Variants in PCDHGA1 observed in about 807,000 individuals in gnomAD.
The protein encoded by PCDHGA1 is protocadherin gamma-A1.
PCDHGA1 carries 32 observed loss-of-function variants against 58.0 expected under a neutral mutation model. That is an observed-to-expected ratio of 0.55 (90% CI 0.42 to 0.74). The LOEUF is 0.74. Ranked by LOEUF, PCDHGA1 falls within the 30% of genes least tolerant of loss-of-function variation. The probability of loss-of-function intolerance (pLI) is 0.00; values close to 1 mark genes in which losing one functional copy is unlikely to be tolerated. For missense variants in PCDHGA1, 1,205 were observed against 1,182.3 expected (o/e 1.02, Z -0.28); for synonymous variants, 498 against 501.1 (o/e 0.99, Z 0.08).
Position 141,485,046 on chromosome 5 carries a change from G to A in PCDHGA1, c.2422-9761G>A. On this transcript the variant is annotated intron_variant, in intron 1 of 3. Transcript: ENST00000517417. This position sits in a 1 kb window ranked among gnomAD's most constrained non-coding sequence, Gnocchi z 5.7. ...AAAAACGGCGCGTAACCCTTGCGGCGCCGGCCGAACCGCGCCAGAGCTGGC... is the reference window on the plus strand; with the variant it reads ...AAAAACGGCGCGTAACCCTTGCGGCACCGGCCGAACCGCGCCAGAGCTGGC... 2 of 750,304 alleles carry A rather than the reference G, an allele frequency of 2.7e-6. No individual in the cohort carries two copies. The highest frequency in any genetic ancestry group is 4.5e-6 in the Non-Finnish European group (2 of 443,046). The allele number at this position is 750,304 out of a possible 1,614,324, so 46.5% of individuals were successfully genotyped here. A position where few individuals can be genotyped will look rare whatever the true frequency, so the allele number is the denominator to read the frequency against.
In PCDHGA1 at chr5:141,430,862, G is replaced by A. The variant is rs1365140768; in HGVS notation, c.2422-63945G>A. ...CGGATGCACCCAGATACGCTATTCA[G>A]TTCCGGAAGAGCTGGAGAAAGGCTC... is the stretch of plus-strand genomic sequence containing the variant. On this transcript the variant is annotated intron_variant, in intron 1 of 3. Transcript: ENST00000517417. 3 of 1,594,672 alleles carry A rather than the reference G, an allele frequency of 1.9e-6. No individual in the cohort carries two copies. The African/African-American group carries it at 4.0e-5, about 21-fold the overall frequency.
chr5:141,344,926 G>C, intron 1 of PCDHGA1: 1 of 1,613,900 alleles, frequency 6.2e-7, no homozygotes, highest in Non-Finnish European at 8.5e-7. Context: ...AACTCAGTGA[G>C]TGGAGAAGTA....
intron 1 of PCDHGA1, among the ~76,000 whole-genome samples, chr5:141,463,725 C>A (rs1259646105): frequency 6.6e-6 from 1 of 152,026 alleles, no homozygotes. Flanking sequence ...GGATTACAGG[C>A]ATGAGCCACC....
intron 1 of PCDHGA1, chr5:141,410,836 ATT>A (rs371761731): frequency 1.6e-5 from 4 of 254,870 alleles, no homozygotes; most frequent in African/African-American, 1.4e-4. Flanking sequence ...GACTGAAGAT[ATT>A]TTGTCTTTGT....
At chr5:141,423,567 C>T (rs771827702) in intron 1 of PCDHGA1, 4 of 1,613,602 alleles carry the variant, frequency 2.5e-6, no homozygotes, top group Admixed American at 1.7e-5. Flanking sequence ...GGGACACGCT[C>T]ATCAGCCAGG....
chr5:141,373,523 C>CA (rs1248195840), intron 1 of PCDHGA1, among the ~76,000 whole-genome samples: 5 of 151,934 alleles, frequency 3.3e-5, no homozygotes, highest in African/African-American at 7.3e-5. Flanking sequence ...ACTTTGTCTC[C>CA]AAAAAAGTGT....
chr5:141,460,981 G>GTA (rs1491204135), intron 1 of PCDHGA1, among the ~76,000 whole-genome samples: 1,658 of 121,856 alleles, frequency 0.014, 27 homozygotes, highest in African/African-American at 0.051. Flanking sequence ...GTGTGTGTGT[G>GTA]TGTATATATA....
At chr5:141,352,188 G>C (rs752131601) in intron 1 of PCDHGA1, 3 of 1,613,754 alleles carry the variant, frequency 1.9e-6, no homozygotes, top group Middle Eastern at 1.6e-4. Context: ...GTCGCTGTGC[G>C]TGATGGAGGA....
At chr5:141,372,259 G>T (rs1229622208) in intron 1 of PCDHGA1, 2 of 1,613,108 alleles carry the variant, frequency 1.2e-6, no homozygotes, top group East Asian at 2.2e-5. Flanking sequence ...CTGGGCCTGC[G>T]CACGGGTGAG....
At chr5:141,428,070 T>G (rs756684090) in intron 1 of PCDHGA1, 7 of 1,609,106 alleles carry the variant, frequency 4.4e-6, no homozygotes, top group Non-Finnish European at 5.1e-6. Context: ...GGACGCAGAT[T>G]CGGGACACAA....
intron 1 of PCDHGA1, chr5:141,417,624 G>A (rs2096138947): frequency 1.5e-6 from 1 of 672,584 alleles, no homozygotes; most frequent in Non-Finnish European, 2.4e-6. Flanking sequence ...CAGAGCAAGC[G>A]CTGACGCCGG....
chr5:141,444,545 C>G (rs1346405150), intron 1 of PCDHGA1, among the ~76,000 whole-genome samples: 1 of 152,042 alleles, frequency 6.6e-6, no homozygotes, highest in Non-Finnish European at 1.5e-5. Context: ...GTCTAGTGAG[C>G]AAAAGGCACT....
At chr5:141,428,613 CAAGAT>C (rs1385471747) in intron 1 of PCDHGA1, 1 of 212,608 alleles carries the variant, frequency 4.7e-6, no homozygotes, top group African/African-American at 2.3e-5. Flanking sequence ...AAGAGAATAA[CAAGAT>C]AAGCTCTAAC....
intron 1 of PCDHGA1, among the ~76,000 whole-genome samples, chr5:141,488,675 T>C (rs888235928): frequency 2.6e-5 from 4 of 152,116 alleles, no homozygotes; most frequent in Admixed American, 1.3e-4. Flanking sequence ...TACATGGGCT[T>C]TGCCTCTCCC....
chr5:141,360,606 C>G, intron 1 of PCDHGA1: 1 of 1,613,962 alleles, frequency 6.2e-7, no homozygotes, highest in Middle Eastern at 1.6e-4. Flanking sequence ...TTGACCCAGC[C>G]CTGGATTCAG....
At chr5:141,461,388 A>T (rs1025976806) in intron 1 of PCDHGA1, among the ~76,000 whole-genome samples, 5 of 152,164 alleles carry the variant, frequency 3.3e-5, no homozygotes, top group Admixed American at 6.5e-5. Context: ...CCTGATGATT[A>T]GCGATGTTGA....
At chr5:141,408,527 G>A in intron 1 of PCDHGA1, 1 of 1,614,072 alleles carries the variant, frequency 6.2e-7, no homozygotes, top group South Asian at 1.1e-5. Flanking sequence ...ATTGGAAGCT[G>A]TGGTGGAAAA....
chr5:141,371,867 C>T (rs1452583584), intron 1 of PCDHGA1: 3 of 1,613,430 alleles, frequency 1.9e-6, no homozygotes, highest in African/African-American at 1.3e-5. Context: ...CCTACTACAT[C>T]GTGGCCAGTG....
In PCDHGA1 at chr5:141,431,326, T is replaced by G. The variant is rs1486136293; in HGVS notation, c.2422-63481T>G. 6.2e-7 allele frequency: 1 copy of G among 1,614,046 alleles called. No individual in the cohort carries two copies. Among genetic ancestry groups the G allele is most frequent in the Non-Finnish European group, 8.5e-7 (1 of 1,180,018 alleles). On this transcript the variant is annotated intron_variant, in intron 1 of 3. Transcript: ENST00000517417. This position sits in a 1 kb window ranked among gnomAD's most constrained non-coding sequence, Gnocchi z 4.8. Reference sequence around the variant, plus strand: ...TCGTGCAAAATGGAGCCGACGGTAGTAAGTACCCCGAATTGGTGCTGAAAC... The same window carrying G: ...TCGTGCAAAATGGAGCCGACGGTAGGAAGTACCCCGAATTGGTGCTGAAAC...
Sources: gnomAD v4.1 joint callset for allele counts (sites outside exome capture counted in the v4.1 genomes callset) on GRCh38, gnomAD v4.1.1 for gene constraint, Gnocchi (gnomAD v3.1) non-coding constraint, MANE v1.5 for transcripts, NCBI Gene and HGNC (gene_info 2026-07-23, HGNC 2026-07-21) for gene names.